Variants in UBE3A observed in about 807,000 individuals in gnomAD.
The protein encoded by UBE3A is ubiquitin-protein ligase E3A.
Under a neutral mutation model 83.4 loss-of-function variants are expected in UBE3A, and 6 were observed. The ratio of observed to expected loss-of-function variants is 0.07; its 90% confidence interval spans 0.04 to 0.14. The LOEUF is 0.14. UBE3A is among the 10% of genes least tolerant of loss of function. The probability of loss-of-function intolerance (pLI) is 1.00; values close to 1 mark genes in which losing one functional copy is unlikely to be tolerated. For missense variants in UBE3A, 456 were observed against 1,036.1 expected (o/e 0.44, Z 7.69); for synonymous variants, 337 against 355.4 (o/e 0.95, Z 0.58).
chr15:25,359,455 G>A (rs1047345761), intron 7 of UBE3A, among the ~76,000 whole-genome samples: 4 of 146,920 alleles, frequency 2.7e-5, no homozygotes, highest in African/African-American at 1.0e-4. Context: ...GTGTGTGTGT[G>A]TGTGTGTGAC....
chr15:25,356,914 T>A lies in UBE3A; in HGVS notation c.1754-18A>T. On this transcript the variant is annotated intron_variant, in intron 7 of 12. Coordinates refer to ENST00000648336, the MANE Select transcript of UBE3A (RefSeq NM_130839.5). Reference sequence around the variant, plus strand: ...GAACATACCTATAAGAAATGATTTTTAAAAATACATTACTTTTGTATTTTA... The same window carrying A: ...GAACATACCTATAAGAAATGATTTTAAAAAATACATTACTTTTGTATTTTA... 1.9e-6 allele frequency: 3 copies of A among 1,588,514 alleles called. No homozygotes were observed. The highest frequency in any genetic ancestry group is 2.6e-6 in the Non-Finnish European group (3 of 1,157,908).
At chr15:25,352,738 G>GAATT (rs1225998328) in intron 11 of UBE3A, among the ~76,000 whole-genome samples, 1 of 152,140 alleles carries the variant, frequency 6.6e-6, no homozygotes, top group Non-Finnish European at 1.5e-5. Flanking sequence ...ACTATTTAAT[G>GAATT]AATTAATATT....
chr15:25,432,946 A>C (rs2153186684), intron 1 of UBE3A, among the ~76,000 whole-genome samples: 1 of 152,306 alleles, frequency 6.6e-6, no homozygotes, highest in African/African-American at 2.4e-5. Flanking sequence ...GAATAATCTT[A>C]TCCAATATGA....
At chr15:25,414,429 CAAAT>C (rs1053075602) in intron 1 of UBE3A, among the ~76,000 whole-genome samples, 1 of 152,046 alleles carries the variant, frequency 6.6e-6, no homozygotes, top group Admixed American at 6.6e-5. Context: ...GAAATGGGCA[CAAAT>C]AAAAACCACA....
intron 7 of UBE3A, among the ~76,000 whole-genome samples, chr15:25,358,045 C>T (rs1047534013): frequency 1.3e-5 from 2 of 151,524 alleles, no homozygotes; most frequent in African/African-American, 2.4e-5. Flanking sequence ...GGACTACAGG[C>T]GCCTGCGTGG....
At chr15:25,364,985 T>C (rs1474040922) in intron 6 of UBE3A, among the ~76,000 whole-genome samples, 1 of 152,098 alleles carries the variant, frequency 6.6e-6, no homozygotes, top group Non-Finnish European at 1.5e-5. Context: ...TATGTTGTAT[T>C]TATTTAACAT....
chr15:25,336,740 G>A lies in UBE3A; in HGVS notation c.*2397C>T, dbSNP rs1239558482. On this transcript the variant is annotated 3_prime_UTR_variant, in exon 13 of 13. Transcript: ENST00000648336. ...TCTATAATAATAAAAGGTTAAAAAAGTTTACATTTATTTGGAAAACCAGTT... is the reference window on the plus strand; with the variant it reads ...TCTATAATAATAAAAGGTTAAAAAAATTTACATTTATTTGGAAAACCAGTT... 1.8e-4 allele frequency: 27 copies of A among 152,022 alleles called. No individual in the cohort carries two copies. The highest frequency in any genetic ancestry group is 1.8e-3 in the Admixed American group (27 of 15,250). The allele number at this position is 152,022 out of a possible 1,614,324, so 9.4% of individuals were successfully genotyped here.
intron 2 of UBE3A, among the ~76,000 whole-genome samples, chr15:25,409,775 A>C (rs1213087327): frequency 6.6e-6 from 1 of 152,214 alleles, no homozygotes; most frequent in Non-Finnish European, 1.5e-5. Flanking sequence ...TCCTAAGCTG[A>C]TAGAGCAATC....
intron 4 of UBE3A, among the ~76,000 whole-genome samples, chr15:25,401,283 G>A (rs560109247): frequency 2.0e-5 from 3 of 152,208 alleles, no homozygotes; most frequent in Admixed American, 2.0e-4. Context: ...GAGAGTTCTT[G>A]TCTGGCTTTG....
chr15:25,438,347 C>G (rs1895793982), intron 1 of UBE3A, 142 bp downstream of exon 1: 1 of 152,426 alleles, frequency 6.6e-6, no homozygotes, highest in Non-Finnish European at 1.5e-5. Flanking sequence ...CCAGCCCCTT[C>G]GGACCACGCG....
chr15:25,408,898 G>A (rs1435658637), intron 3 of UBE3A, among the ~76,000 whole-genome samples, 190 bp downstream of exon 3: 1 of 151,982 alleles, frequency 6.6e-6, no homozygotes, highest in African/African-American at 2.4e-5. Context: ...CTTTGATAGT[G>A]GCTACTGATA....
intron 4 of UBE3A, among the ~76,000 whole-genome samples, chr15:25,380,538 T>C (rs2082000738): frequency 6.6e-6 from 1 of 151,302 alleles, no homozygotes; most frequent in Admixed American, 6.6e-5. Flanking sequence ...TTTCCCCAAG[T>C]ACTATTAAAG....
At chr15:25,378,566 A>G (rs1195811686) in intron 4 of UBE3A, among the ~76,000 whole-genome samples, 1 of 152,160 alleles carries the variant, frequency 6.6e-6, no homozygotes, top group Non-Finnish European at 1.5e-5. Flanking sequence ...TCCACAGCCA[A>G]AGAGAGAAAT....
chr15:25,388,447 G>T (rs919892780), intron 4 of UBE3A, among the ~76,000 whole-genome samples: 12 of 152,026 alleles, frequency 7.9e-5, no homozygotes, highest in African/African-American at 2.9e-4. Flanking sequence ...AGTAAACTAG[G>T]AATAGAGGGA....
intron 1 of UBE3A, among the ~76,000 whole-genome samples, chr15:25,413,250 G>A (rs1201960110): frequency 6.6e-6 from 1 of 152,054 alleles, no homozygotes; most frequent in Non-Finnish European, 1.5e-5. Context: ...AATAAGTATA[G>A]TCTAATAATA....
intron 6 of UBE3A, among the ~76,000 whole-genome samples, chr15:25,369,149 G>C (rs762250777): frequency 2.6e-5 from 4 of 151,944 alleles, no homozygotes; most frequent in Non-Finnish European, 5.9e-5. Context: ...GTAAGGTGCT[G>C]GCTGCCTTAT....
chr15:25,387,995 C>G (rs1032758096), intron 4 of UBE3A, among the ~76,000 whole-genome samples: 1 of 152,150 alleles, frequency 6.6e-6, no homozygotes, highest in African/African-American at 2.4e-5. Flanking sequence ...GAGAAGGCAT[C>G]AGGCCCAGAT....
chr15:25,366,135 G>C (rs1243187179), intron 6 of UBE3A, among the ~76,000 whole-genome samples: 1 of 152,086 alleles, frequency 6.6e-6, no homozygotes, highest in Non-Finnish European at 1.5e-5. Context: ...TTCAGTTTCT[G>C]AGAAATTACT....
chr15:25,432,718 T>A (rs1056569393), intron 1 of UBE3A, among the ~76,000 whole-genome samples: 1 of 152,116 alleles, frequency 6.6e-6, no homozygotes, highest in African/African-American at 2.4e-5. Context: ...CTGTTAAGAG[T>A]CACAGCATTA....
Sources: allele counts gnomAD v4.1 joint callset (sites outside exome capture counted in the v4.1 genomes callset), GRCh38; gene constraint gnomAD v4.1.1; transcripts MANE v1.5; gene names NCBI Gene and HGNC (gene_info 2026-07-23, HGNC 2026-07-21).